UGT1A6: variants seen among roughly 807,000 people sequenced by gnomAD.
UGT1A6 encodes the protein UDP-glucuronosyltransferase 1A6.
Under a neutral mutation model 44.4 loss-of-function variants are expected in UGT1A6, and 32 were observed. That is an observed-to-expected ratio of 0.72 (90% CI 0.54 to 0.97). The LOEUF (loss-of-function observed/expected upper bound fraction) is 0.97, where lower values mean the gene tolerates loss of function less well. Among genes scored for constraint, UGT1A6 ranks in the 50% least tolerant of loss-of-function variants. The pLI is 0.00. For synonymous variants in UGT1A6, 238 were observed against 248.5 expected (o/e 0.96, Z 0.40); for missense variants, 685 against 661.9 (o/e 1.03, Z -0.38).
intron 1 of UGT1A6, among the ~76,000 whole-genome samples, chr2:233,719,871 A>G (rs2076809902): frequency 6.6e-6 from 1 of 152,230 alleles, no homozygotes; most frequent in African/African-American, 2.4e-5. Context: ...TGAGAGGAAG[A>G]AGAGGCACGG....
intron 1 of UGT1A6, among the ~76,000 whole-genome samples, chr2:233,725,237 G>A: frequency 1.2e-5 from 1 of 85,832 alleles, no homozygotes; most frequent in Non-Finnish European, 2.1e-5. Context: ...AGGCAGAGGA[G>A]GCAGAGGCAG....
At chr2:233,701,810 C>T (rs1265749289) in intron 1 of UGT1A6, among the ~76,000 whole-genome samples, 1 of 152,034 alleles carries the variant, frequency 6.6e-6, no homozygotes, top group African/African-American at 2.4e-5. Flanking sequence ...AACAAAGACA[C>T]AACATACCAG....
At chr2:233,762,782 TCTA>T (rs770561040) in intron 1 of UGT1A6, among the ~76,000 whole-genome samples, 8 of 152,166 alleles carry the variant, frequency 5.3e-5, no homozygotes, top group Non-Finnish European at 7.4e-5. Flanking sequence ...TAGCTGATTA[TCTA>T]CTCATTACTC....
rs1422207500 is a variant in UGT1A6 at position 233,757,556 on chromosome 2, ATATATG to A, written c.862-9472_862-9467del. ...AAGGAATATATATATATATATATATATATATGTATATATGATATAGCTATAGTCTAA... is the reference window on the plus strand; with the variant it reads ...AAGGAATATATATATATATATATATATATATATGATATAGCTATAGTCTAA... On this transcript the variant is annotated intron_variant, in intron 1 of 4. Coordinates refer to ENST00000305139, the MANE Select transcript of UGT1A6 (RefSeq NM_001072.4). Among the ~76,000 whole-genome samples, 673 of 125,374 alleles carry A rather than the reference ATATATG, an allele frequency of 5.4e-3. 74 individuals carry two copies. The highest frequency in any genetic ancestry group is 0.02 in the African/African-American group (631 of 31,024). The allele number at this position is 125,374 out of a possible 152,430, so 82.3% of individuals were successfully genotyped here.
chr2:233,730,566 G>A (rs1350125224), intron 1 of UGT1A6, among the ~76,000 whole-genome samples: 2 of 152,136 alleles, frequency 1.3e-5, no homozygotes, highest in African/African-American at 2.4e-5. Flanking sequence ...AATGACACAC[G>A]AAGTTCAGTT....
At chr2:233,731,876 G>A (rs2078215412) in intron 1 of UGT1A6, among the ~76,000 whole-genome samples, 1 of 152,166 alleles carries the variant, frequency 6.6e-6, no homozygotes, top group Non-Finnish European at 1.5e-5. Context: ...TTCCACAATG[G>A]TTGAACTAAT....
At chr2:233,755,368 G>A in intron 1 of UGT1A6, 1 of 361,208 alleles carries the variant, frequency 2.8e-6, no homozygotes, top group Non-Finnish European at 5.3e-6. Flanking sequence ...GGGCCGCCTG[G>A]AGGGCCGCCC....
intron 1 of UGT1A6, among the ~76,000 whole-genome samples, chr2:233,748,634 A>G (rs1335024517): frequency 6.6e-6 from 1 of 151,774 alleles, no homozygotes; most frequent in East Asian, 1.9e-4. Context: ...GTCTGTGATT[A>G]TAGAATTACA....
rs1002447306 is a variant in UGT1A6, at chr2:233,707,136, C to T, written c.861+13271C>T. On this transcript the variant is annotated intron_variant, in intron 1 of 4. Transcript: ENST00000305139. ...ATACTCTGCATTAGGCTTTCTATCCCGGAGGTCACTGCAGTTTATCAGCAC... is the reference window on the plus strand; with the variant it reads ...ATACTCTGCATTAGGCTTTCTATCCTGGAGGTCACTGCAGTTTATCAGCAC... Among the ~76,000 whole-genome samples the T allele has an allele frequency of 3.3e-5, 5 of 152,108 alleles. No homozygotes were observed. The South Asian group carries it at 6.2e-4, about 19-fold the overall frequency.
chr2:233,707,565 T>C (rs1281598076), intron 1 of UGT1A6, among the ~76,000 whole-genome samples: 5 of 151,872 alleles, frequency 3.3e-5, no homozygotes, highest in Non-Finnish European at 7.4e-5. Flanking sequence ...TTCAACCTTA[T>C]GTTTGAGAGA....
intron 1 of UGT1A6, chr2:233,753,299 C>G (rs1319108778): frequency 6.6e-6 from 1 of 152,180 alleles, no homozygotes; most frequent in Non-Finnish European, 1.5e-5. Flanking sequence ...AGTGTGAGAC[C>G]CCGTGTGCCC....
intron 1 of UGT1A6, among the ~76,000 whole-genome samples, chr2:233,754,123 T>C (rs1464588119): frequency 2.6e-5 from 4 of 152,360 alleles, no homozygotes; most frequent in Admixed American, 2.6e-4. Flanking sequence ...CGAGCATTTA[T>C]GTGCAATTAA....
chr2:233,698,976 C>G (rs1363458651), intron 1 of UGT1A6, among the ~76,000 whole-genome samples: 1 of 152,218 alleles, frequency 6.6e-6, no homozygotes, highest in Non-Finnish European at 1.5e-5. Flanking sequence ...AGCCCTTTGG[C>G]CACCCAGGTG....
intron 1 of UGT1A6, among the ~76,000 whole-genome samples, chr2:233,730,506 A>G (rs2078042097): frequency 6.6e-6 from 1 of 152,128 alleles, no homozygotes; most frequent in Non-Finnish European, 1.5e-5. Flanking sequence ...AGAGAGGTTG[A>G]CTCAGTGGAA....
rs1029804751 is a variant in UGT1A6, at chr2:233,760,707, G to A, written c.862-6327G>A. ...ACAACAAGGAGCTCATGGCCTCCCT[G>A]GCAGAAAGCAGCTTTGATGTCATGC... On this transcript the variant is annotated intron_variant, in intron 1 of 4. Transcript: ENST00000305139. 6.8e-6 allele frequency: 11 copies of A among 1,614,064 alleles called. No individual in the cohort carries two copies. The East Asian group carries it at 8.9e-5, about 13-fold the overall frequency.
intron 1 of UGT1A6, chr2:233,748,207 C>G (rs1467291155): frequency 6.6e-7 from 1 of 1,505,266 alleles, no homozygotes; most frequent in African/African-American, 1.4e-5. Context: ...TCGTAATAGC[C>G]TTCAGTGAGA....
intron 1 of UGT1A6, among the ~76,000 whole-genome samples, chr2:233,722,899 G>T (rs1015320069): frequency 7.8e-6 from 1 of 128,092 alleles, no homozygotes; most frequent in South Asian, 3.1e-4. Flanking sequence ...AGTGGAAGTG[G>T]ATCATCATAA....
intron 1 of UGT1A6, chr2:233,743,443 T>A (rs1388678157): frequency 7.3e-7 from 1 of 1,363,152 alleles, no homozygotes; most frequent in Non-Finnish European, 9.8e-7. Context: ...AAATCCTGTA[T>A]CAAAAGAAGA....
chr2:233,725,005 C>G (rs1205607932), intron 1 of UGT1A6, among the ~76,000 whole-genome samples: 2 of 147,300 alleles, frequency 1.4e-5, no homozygotes, highest in Non-Finnish European at 3.0e-5. Flanking sequence ...GAGACCGGCC[C>G]GGCCAAACAG....
Sources: allele counts gnomAD v4.1 joint callset (sites outside exome capture counted in the v4.1 genomes callset), GRCh38; gene constraint gnomAD v4.1.1; transcripts MANE v1.5; gene names NCBI Gene and HGNC (gene_info 2026-07-23, HGNC 2026-07-21).